The following LARGE1 variants were observed in gnomAD, a reference collection of about 807,000 sequenced individuals.
LARGE1 encodes xylosyl- and glucuronyltransferase LARGE1.
Under a neutral mutation model 87.6 loss-of-function variants are expected in LARGE1, and 43 were observed. The ratio of observed to expected loss-of-function variants is 0.49; its 90% CI spans 0.38 to 0.63. The LOEUF is 0.63. Ranked by LOEUF, LARGE1 falls within the 30% of genes least tolerant of loss-of-function variation. LARGE1 has a pLI of 0.00. For synonymous variants in LARGE1, 434 were observed against 394.6 expected (o/e 1.10, Z -1.18); for missense variants, 802 against 1,000.2 (o/e 0.80, Z 2.67).
At chr22:33,326,057 CTG>C (rs1223027130) in intron 10 of LARGE1, among the ~76,000 whole-genome samples, 1 of 152,190 alleles carries the variant, frequency 6.6e-6, no homozygotes, top group Non-Finnish European at 1.5e-5. Flanking sequence ...TCGTTGCCTG[CTG>C]TGTGTATTAA....
chr22:33,226,875 G>A (rs1033873533), intron 11 of LARGE1, among the ~76,000 whole-genome samples: 3 of 151,946 alleles, frequency 2.0e-5, no homozygotes, highest in Non-Finnish European at 4.4e-5. Flanking sequence ...GACTACAGGC[G>A]CCTGCCGCCG....
exon 12 of LARGE1, chr22:33,165,072 C>A (rs970919762): frequency 6.6e-6 from 1 of 152,094 alleles, no homozygotes; most frequent in Admixed American, 6.5e-5. Context: ...AGTGACGGGA[C>A]CAATCGTATC....
chr22:33,747,249 G>A (rs1414308762), intron 2 of LARGE1, among the ~76,000 whole-genome samples: 3 of 152,158 alleles, frequency 2.0e-5, no homozygotes, highest in African/African-American at 2.4e-5. Flanking sequence ...AGGCCAAGGT[G>A]CCAAGATCCA....
intron 5 of LARGE1, among the ~76,000 whole-genome samples, chr22:33,567,456 A>T (rs1341534794): frequency 6.6e-6 from 1 of 152,084 alleles, no homozygotes; most frequent in Non-Finnish European, 1.5e-5. Context: ...GGTCTGTGGG[A>T]TGTATGCAGG....
chr22:33,641,777 T>G (rs2080441749), intron 3 of LARGE1, among the ~76,000 whole-genome samples: 1 of 151,978 alleles, frequency 6.6e-6, no homozygotes, highest in African/African-American at 2.4e-5. Context: ...AACAGAAGGA[T>G]ATCAGAGATT....
At chr22:33,416,443 G>C (rs986598735) in intron 7 of LARGE1, among the ~76,000 whole-genome samples, 1 of 152,032 alleles carries the variant, frequency 6.6e-6, no homozygotes, top group Non-Finnish European at 1.5e-5. Context: ...TCTAGCTCTC[G>C]GAATTGTGTA....
At chr22:33,727,077 G>A (rs961897806) in intron 2 of LARGE1, among the ~76,000 whole-genome samples, 4 of 152,148 alleles carry the variant, frequency 2.6e-5, no homozygotes, top group Admixed American at 2.6e-4. Context: ...GCAGAAACAA[G>A]GCTCCCTGAA....
intron 6 of LARGE1, among the ~76,000 whole-genome samples, chr22:33,507,909 A>T (rs745394672): frequency 3.3e-5 from 5 of 152,172 alleles, no homozygotes; most frequent in Non-Finnish European, 7.3e-5. Flanking sequence ...ATCTTTTAAC[A>T]GCAATCACCT....
chr22:33,155,634 A>T, the LARGE1 span, among the ~76,000 whole-genome samples: 655 of 152,276 alleles, frequency 4.3e-3, 4 homozygotes, highest in African/African-American at 0.015. Context: ...AGTTTGGAAA[A>T]TTTTCAACCT....
At chr22:33,893,907 G>A (rs978752990) in intron 1 of LARGE1, among the ~76,000 whole-genome samples, 1 of 152,118 alleles carries the variant, frequency 6.6e-6, no homozygotes, top group Non-Finnish European at 1.5e-5. Context: ...GGGCACCTCC[G>A]CCCCTTTCAC....
rs112275090 is a variant in LARGE1, at chr22:33,893,053, T to C, written c.-83+26942A>G. 8.5e-5 allele frequency among the ~76,000 whole-genome samples: 13 copies of C among 152,358 alleles called. 1 individual carries two copies. The highest frequency in any genetic ancestry group is 2.9e-4 in the African/African-American group (12 of 41,586). Reference sequence around the variant, plus strand: ...TAACTATCTGGCTGAGACTAGGGGTTCAGCAGAAGCACATTAAATTCTGTG... The same window carrying C: ...TAACTATCTGGCTGAGACTAGGGGTCCAGCAGAAGCACATTAAATTCTGTG... On this transcript the variant is annotated intron_variant, in intron 1 of 14. Transcript: ENST00000397394.
intron 1 of LARGE1, among the ~76,000 whole-genome samples, chr22:33,883,148 C>A (rs1220257752): frequency 7.9e-5 from 12 of 152,158 alleles, no homozygotes; most frequent in Admixed American, 7.9e-4. Context: ...CAGCTTAAGA[C>A]CCTTCCAGTG....
chr22:33,618,288 T>C (rs1224460504), intron 4 of LARGE1, among the ~76,000 whole-genome samples: 1 of 152,206 alleles, frequency 6.6e-6, no homozygotes, highest in Non-Finnish European at 1.5e-5. Flanking sequence ...AGAGCAACTT[T>C]CAAGAAAAAT....
At chr22:33,103,925 C>T in the LARGE1 span, among the ~76,000 whole-genome samples, 2 of 152,194 alleles carry the variant, frequency 1.3e-5, no homozygotes, top group Admixed American at 6.5e-5. Context: ...GCTATCACTT[C>T]TCTCTTGTCT....
intron 5 of LARGE1, among the ~76,000 whole-genome samples, chr22:33,568,493 G>A (rs182548772): frequency 7.0e-4 from 107 of 152,252 alleles, no homozygotes; most frequent in Non-Finnish European, 1.4e-3. Context: ...CTGGCTGGGC[G>A]CAGTGGCTCA....
At chr22:33,850,671 G>A (rs558064132) in intron 1 of LARGE1, among the ~76,000 whole-genome samples, 1 of 152,218 alleles carries the variant, frequency 6.6e-6, no homozygotes, top group East Asian at 1.9e-4. Flanking sequence ...AACCTTATTT[G>A]GAAGGATAAT....
Position 33,384,749 on chromosome 22 carries a change from G to A in LARGE1, c.893-445C>T, listed in dbSNP as rs956446456. ...CTGTACGTTTAAACATGGTTAACAC[G>A]GTAAATTTATGTTATGTATATCTCA... On this transcript the variant is annotated intron_variant, in intron 7 of 14. Transcript: ENST00000397394. Among the ~76,000 whole-genome samples the A allele has an allele frequency of 2.0e-5, 3 of 148,444 alleles. 1 individual carries two copies. Among genetic ancestry groups the A allele is most frequent in the South Asian group, 4.8e-4 (2 of 4,154 alleles).
intron 2 of LARGE1, among the ~76,000 whole-genome samples, chr22:33,746,254 G>A (rs568580275): frequency 6.6e-6 from 1 of 152,134 alleles, no homozygotes; most frequent in African/African-American, 2.4e-5. Context: ...AACAAAATAA[G>A]AATATTAGCA....
At chr22:33,346,544 C>T (rs1313337434) in intron 9 of LARGE1, among the ~76,000 whole-genome samples, 2 of 152,186 alleles carry the variant, frequency 1.3e-5, no homozygotes, top group Non-Finnish European at 2.9e-5. Flanking sequence ...CTCAGTTGAT[C>T]TGCCCACCTC....
Sources: gnomAD v4.1 joint callset for allele counts (sites outside exome capture counted in the v4.1 genomes callset) on GRCh38, gnomAD v4.1.1 for gene constraint, MANE v1.5 for transcripts, NCBI Gene and HGNC (gene_info 2026-07-23, HGNC 2026-07-21) for gene names.